ENPP4: variants seen among roughly 807,000 people sequenced by gnomAD.
ENPP4 encodes the protein bis(5'-adenosyl)-triphosphatase ENPP4.
In ENPP4, 18 loss-of-function variants were observed where a neutral mutation model predicts 33.4. The ratio of observed to expected loss-of-function variants is 0.54; its 90% CI spans 0.37 to 0.80. The LOEUF (loss-of-function observed/expected upper bound fraction) is 0.80, where lower values mean the gene tolerates loss of function less well. Among genes scored for constraint, ENPP4 ranks in the 30% least tolerant of loss-of-function variants. The pLI is 0.00. For missense variants in ENPP4, 480 were observed against 541.7 expected, an observed-to-expected ratio of 0.89 and a Z score of 1.13; for synonymous variants, 172 against 189.9, an observed-to-expected ratio of 0.91 and a Z score of 0.78.
Position 46,144,748 on chromosome 6 carries a change from C to T in ENPP4, c.*1108C>T, listed in dbSNP as rs1764119357. ...TTTATCTTTGGGACTTTATGCCTTA[C>T]TTTTTAGGCTATAGAATAGTTAAGA... On this transcript the variant is annotated 3_prime_UTR_variant, in exon 4 of 4. Transcript: ENST00000321037. The T allele has an allele frequency of 2.6e-6, 1 of 378,580 alleles. No homozygotes were observed. Among genetic ancestry groups the T allele is most frequent in the Admixed American group, 4.5e-5 (1 of 22,194 alleles). The allele number at this position is 378,580 out of a possible 1,614,324, so 23.5% of individuals were successfully genotyped here.
At chr6:46,131,413 G>T (rs1259040419) in intron 1 of ENPP4, among the ~76,000 whole-genome samples, 1 of 150,564 alleles carries the variant, frequency 6.6e-6, no homozygotes, top group Admixed American at 6.7e-5. Context: ...TGCAGTGTTT[G>T]GTTTTTTGTT....
chr6:46,130,564 C>G (rs1207165701), intron 1 of ENPP4, among the ~76,000 whole-genome samples: 1 of 152,170 alleles, frequency 6.6e-6, no homozygotes, highest in Non-Finnish European at 1.5e-5. Flanking sequence ...TAAAGGAGAA[C>G]CACCCATGGC....
At position 46,140,199 on chromosome 6, in the gene ENPP4, G is replaced by C. The variant is rs1459459147; in HGVS notation, c.616G>C (p.Val206Leu). 1 of 1,612,466 alleles carries C rather than the reference G, an allele frequency of 6.2e-7. No homozygotes were observed. The highest frequency in any genetic ancestry group is 1.3e-5 in the African/African-American group (1 of 74,768). ...GPEDKENMSRVLKKIDDLIGD... is the reference protein window; with the variant it reads ...GPEDKENMSRLLKKIDDLIGD... ...TGAAGATAAAGAAAACATGAGCAGAGTGTTGAAAAAAATAGATGATCTTAT... is the reference window on the plus strand; with the variant it reads ...TGAAGATAAAGAAAACATGAGCAGACTGTTGAAAAAAATAGATGATCTTAT... The change falls in exon 2 of 4, where the codon GTG becomes CTG. Residue 206 changes from valine to leucine, a missense_variant. Val to Leu is a conservative substitution (Grantham distance 32). Around this residue, in one of 3 missense-constraint regions of ENPP4, gnomAD observed 227 missense variants for 273.7 expected, o/e 0.83. Coordinates refer to ENST00000321037, the MANE Select transcript of ENPP4 (RefSeq NM_014936.5).
rs1764142187 is a variant in ENPP4 at position 46,146,567 on chromosome 6, A to G, written c.*2927A>G. On this transcript the variant is annotated 3_prime_UTR_variant, in exon 4 of 4. Transcript: ENST00000321037. ...AAAGAAATGTGTATGTAGTGCCTTAATTTAAATTAAAATATTTTTGACTGT... is the reference window on the plus strand; with the variant it reads ...AAAGAAATGTGTATGTAGTGCCTTAGTTTAAATTAAAATATTTTTGACTGT... The G allele has an allele frequency of 6.6e-6, 1 of 152,356 alleles. No individual in the cohort carries two copies. Among genetic ancestry groups the G allele is most frequent in the African/African-American group, 2.4e-5 (1 of 41,414 alleles). 9.4% of individuals were successfully genotyped at this position (152,356 alleles called of 1,614,324 possible).
rs761484699 is a variant in ENPP4 at position 46,140,168 on chromosome 6, C to T, written c.585C>T (p.Tyr195=). 17 of 1,612,314 alleles carry T rather than the reference C, an allele frequency of 1.1e-5. No individual in the cohort carries two copies. The highest frequency in any genetic ancestry group is 1.3e-5 in the African/African-American group (1 of 74,736). The change falls in exon 2 of 4, where the codon TAC becomes TAT. Residue 195 remains tyrosine (Y), a synonymous_variant. Coordinates refer to ENST00000321037, the MANE Select transcript of ENPP4 (RefSeq NM_014936.5). ...AACCAGATGCAAGTGGCCACAAATA[C>T]GGACCTGAAGATAAAGAAAACATGA... ...WEEPDASGHK[Y]GPEDKENMSR... is the part of the protein sequence containing the mutation.
rs569496768 is a variant in ENPP4 at position 46,138,834 on chromosome 6, T to C, written c.-33-717T>C. ...GATAGCTTTAAGCCTAGGGTATTAG[T>C]GAAAATAGTTGTTGATAGCTAAAAG... On this transcript the variant is annotated intron_variant, in intron 1 of 3. Transcript: ENST00000321037. 1.8e-3 allele frequency among the ~76,000 whole-genome samples: 278 copies of C among 151,966 alleles called. 1 individual carries two copies. The highest frequency in any genetic ancestry group is 6.2e-3 in the African/African-American group (259 of 41,478).
rs763285345 is a variant in ENPP4, at chr6:46,141,145, A to G, written c.920A>G (p.His307Arg). The G allele has an allele frequency of 3.1e-6, 5 of 1,609,052 alleles. No individual in the cohort carries two copies. The highest frequency in any genetic ancestry group is 1.3e-5 in the African/African-American group (1 of 74,618). ...EDIPNRFYYQ[H>R]NDRIQPIILV... Reference sequence around the variant, plus strand: ...ATTCCTAACAGATTTTATTACCAACATAATGATCGAATTCAGCCCATTATT... The same window carrying G: ...ATTCCTAACAGATTTTATTACCAACGTAATGATCGAATTCAGCCCATTATT... Residue 307 changes from histidine (H) to arginine (R), a missense_variant, in exon 3 of 4, where the codon CAT becomes CGT. This residue lies in a region of ENPP4 where 249 missense variants were observed against 251.8 expected (regional missense o/e 0.99). Coordinates refer to ENST00000321037, the MANE Select transcript of ENPP4 (RefSeq NM_014936.5).
At chr6:46,141,015 T>C (rs372917634) in intron 2 of ENPP4, 37 bp from the exon 3 acceptor site, 3 of 1,417,828 alleles carry the variant, frequency 2.1e-6, no homozygotes, top group African/African-American at 1.5e-5. Flanking sequence ...TTATCAATCA[T>C]AACTTGTTTC....
intron 1 of ENPP4, among the ~76,000 whole-genome samples, chr6:46,135,564 A>G (rs1368974652): frequency 1.3e-5 from 2 of 152,016 alleles, no homozygotes; most frequent in Non-Finnish European, 2.9e-5. Context: ...CTAGATACAA[A>G]TCTCTTCAGA....
At position 46,140,359 on chromosome 6, in the gene ENPP4, A is replaced by T; in HGVS notation, c.776A>T (p.Tyr259Phe). The T allele has an allele frequency of 6.2e-7, 1 of 1,605,618 alleles. No homozygotes were observed. The highest frequency in any genetic ancestry group is 8.5e-7 in the Non-Finnish European group (1 of 1,177,028). Reference sequence around the variant, plus strand: ...CTGGATTCCTGCATCGATCATTCATACTACACTCTTATAGATTTGAGCCCA... The same window carrying T: ...CTGGATTCCTGCATCGATCATTCATTCTACACTCTTATAGATTTGAGCCCA... ...INLDSCIDHS[Y>F]YTLIDLSPVA... Residue 259 changes from tyrosine (Y) to phenylalanine (F), a missense_variant, in exon 2 of 4, where the codon TAC becomes TTC. Physicochemically the swap from Tyr to Phe is conservative, Grantham distance 22. Around this residue, in one of 3 missense-constraint regions of ENPP4, gnomAD observed 249 missense variants for 251.8 expected, o/e 0.99. Transcript: ENST00000321037.
At chr6:46,141,581 TTGTC>T (rs1461443570) in intron 3 of ENPP4, among the ~76,000 whole-genome samples, 2 of 151,650 alleles carry the variant, frequency 1.3e-5, no homozygotes, top group African/African-American at 4.8e-5. Flanking sequence ...TAAAAAAAAT[TTGTC>T]TGAGTAACCC....
intron 1 of ENPP4, among the ~76,000 whole-genome samples, chr6:46,134,618 G>A (rs552455110): frequency 2.3e-4 from 35 of 152,180 alleles, no homozygotes; most frequent in African/African-American, 8.2e-4. Context: ...GAGGTAAAAT[G>A]AGATCAAAAA....
At chr6:46,143,144 C>T (rs1344888115) in intron 3 of ENPP4, 132 bp from the exon 4 acceptor site, 10 of 817,594 alleles carry the variant, frequency 1.2e-5, no homozygotes, top group African/African-American at 1.7e-5. Flanking sequence ...TGGAACATAG[C>T]TGAGTTGAAG....
Position 46,143,729 on chromosome 6 carries a change from T to C in ENPP4, c.*89T>C, listed in dbSNP as rs750270906. Reference sequence around the variant, plus strand: ...ATAGTGTTGTAACTATGAAAAAGAATACTTTGAAAGACAAAGAACTTAGAC... The same window carrying C: ...ATAGTGTTGTAACTATGAAAAAGAACACTTTGAAAGACAAAGAACTTAGAC... On this transcript the variant is annotated 3_prime_UTR_variant, in exon 4 of 4. Coordinates refer to ENST00000321037, the MANE Select transcript of ENPP4 (RefSeq NM_014936.5). The C allele has an allele frequency of 9.6e-5, 125 of 1,302,494 alleles. No individual in the cohort carries two copies. The highest frequency in any genetic ancestry group is 1.2e-4 in the Non-Finnish European group (114 of 947,116). The allele number at this position is 1,302,494 out of a possible 1,614,324, so 80.7% of individuals were successfully genotyped here. A position where few individuals can be genotyped will look rare whatever the true frequency, so the allele number is the denominator to read the frequency against.
chr6:46,141,561 T>C (rs1764062670), intron 3 of ENPP4, among the ~76,000 whole-genome samples: 1 of 151,708 alleles, frequency 6.6e-6, no homozygotes, highest in Admixed American at 6.6e-5. Flanking sequence ...ATCCTTGTTC[T>C]TTTGTGTGTT....
In ENPP4 at chr6:46,130,021, C is replaced by G. The variant is rs3734208; in HGVS notation, c.-202C>G. The G allele has an allele frequency of 0.65, 99,315 of 152,130 alleles. 32,544 individuals carry two copies. Among genetic ancestry groups the G allele is most frequent in the Middle Eastern group, 0.82 (241 of 294 alleles). The allele number at this position is 152,130 out of a possible 1,614,324, so 9.4% of individuals were successfully genotyped here. On this transcript the variant is annotated 5_prime_UTR_variant, in exon 1 of 4. Transcript: ENST00000321037. ...GCGCCCCGAGCGGCGCAGATAGGGA[C>G]GTTGGGGCTGTGCCCCGCGGCGCGG...
At chr6:46,135,654 T>C (rs1012094792) in intron 1 of ENPP4, among the ~76,000 whole-genome samples, 1 of 152,062 alleles carries the variant, frequency 6.6e-6, no homozygotes, top group African/African-American at 2.4e-5. Flanking sequence ...GGCACGAGAC[T>C]TTTTAATTTT....
intron 2 of ENPP4, 93 bp from the exon 3 acceptor site, chr6:46,140,956 CATT>C: frequency 1.4e-6 from 1 of 721,788 alleles, no homozygotes; most frequent in South Asian, 2.0e-5. Flanking sequence ...TAATAGATGA[CATT>C]ATCTATAATT....
chr6:46,140,367 C>G lies in ENPP4; in HGVS notation c.784C>G (p.Leu262Val), dbSNP rs1055626864. Reference sequence around the variant, plus strand: ...CTGCATCGATCATTCATACTACACTCTTATAGATTTGAGCCCAGTTGCTGC... The same window carrying G: ...CTGCATCGATCATTCATACTACACTGTTATAGATTTGAGCCCAGTTGCTGC... ...DSCIDHSYYT[L>V]IDLSPVAAIL... The change falls in exon 2 of 4, where the codon CTT becomes GTT. Residue 262 changes from leucine to valine, a missense_variant. Around this residue, in one of 3 missense-constraint regions of ENPP4, gnomAD observed 249 missense variants for 251.8 expected, o/e 0.99. Transcript: ENST00000321037. 3.1e-6 allele frequency: 5 copies of G among 1,596,756 alleles called. No homozygotes were observed. Among genetic ancestry groups the G allele is most frequent in the Non-Finnish European group, 4.3e-6 (5 of 1,174,194 alleles).
Sources: allele counts gnomAD v4.1 joint callset (sites outside exome capture counted in the v4.1 genomes callset), GRCh38; gene constraint gnomAD v4.1.1; regional missense constraint gnomAD v4.1.1; transcripts MANE v1.5; gene names NCBI Gene and HGNC (gene_info 2026-07-23, HGNC 2026-07-21).